LHFPL3: variants seen among roughly 807,000 people sequenced by gnomAD.
The protein encoded by LHFPL3 is LHFPL tetraspan subfamily member 3, also known as LHFPL tetraspan subfamily member 3 protein.
In LHFPL3, 5 loss-of-function variants were observed where a neutral mutation model predicts 19.3. The observed-to-expected ratio is 0.26, with a 90% confidence interval of 0.14 to 0.54. LHFPL3 has a LOEUF of 0.54. LHFPL3 is among the 20% of genes least tolerant of loss of function. The pLI, the probability that LHFPL3 is intolerant of heterozygous loss-of-function variation, is 0.94. For missense variants in LHFPL3, 249 were observed against 307.4 expected (o/e 0.81, Z 1.42); for synonymous variants, 133 against 126.2 (o/e 1.05, Z -0.36).
intron 1 of LHFPL3, among the ~76,000 whole-genome samples, chr7:104,396,587 C>T (rs1252158959): frequency 2.7e-5 from 4 of 150,342 alleles, no homozygotes; most frequent in Non-Finnish European, 5.9e-5. Context: ...TTCTCCAGCC[C>T]ATACCCTTCA....
In LHFPL3 at chr7:104,472,235, G is replaced by T. The variant is rs181747997; in HGVS notation, c.445+143011G>T. Among the ~76,000 whole-genome samples, 8 of 151,470 alleles carry T rather than the reference G, an allele frequency of 5.3e-5. No individual in the cohort carries two copies. In the East Asian group the frequency reaches 1.5e-3, roughly 29 times the overall value. Reference sequence around the variant, plus strand: ...AAATATATACTTTTTTAGTCACTATGAGCAAAACAATATATATATATCACC... The same window carrying T: ...AAATATATACTTTTTTAGTCACTATTAGCAAAACAATATATATATATCACC... On this transcript the variant is annotated intron_variant, in intron 1 of 2. Transcript: ENST00000424859.
chr7:104,638,632 C>T (rs561229715), intron 1 of LHFPL3, among the ~76,000 whole-genome samples: 13 of 152,074 alleles, frequency 8.5e-5, no homozygotes, highest in Non-Finnish European at 1.8e-4. Context: ...GCCTTTTTTG[C>T]ATCCATTGAG....
At chr7:104,893,265 G>A (rs531278466) in intron 2 of LHFPL3, among the ~76,000 whole-genome samples, 64 of 151,706 alleles carry the variant, frequency 4.2e-4, no homozygotes, top group South Asian at 3.7e-3. Context: ...TGTAATCCCA[G>A]CACTTTGGGA....
chr7:104,533,422 G>T lies in LHFPL3; in HGVS notation c.446-203253G>T, dbSNP rs115253102. Among the ~76,000 whole-genome samples the T allele has an allele frequency of 2.0e-3, 306 of 152,246 alleles. 2 individuals carry two copies. The highest frequency in any genetic ancestry group is 6.8e-3 in the African/African-American group (281 of 41,534). On this transcript the variant is annotated intron_variant, in intron 1 of 2. Transcript: ENST00000424859. ...CAGGATAATCTCACCTACTCTCAGA[G>T]TTTTAGCCACCAGCAATCTGCTAAT... is the stretch of plus-strand genomic sequence containing the variant.
Position 104,523,467 on chromosome 7 carries a change from A to G in LHFPL3, c.445+194243A>G, listed in dbSNP as rs539100323. Among the ~76,000 whole-genome samples, 4 of 152,294 alleles carry G rather than the reference A, an allele frequency of 2.6e-5. No individual in the cohort carries two copies. In the South Asian group the frequency reaches 8.3e-4, roughly 32 times the overall value. The stretch of plus-strand genomic sequence containing the variant: ...CATATGTGTTAACTCTGCCAAATAT[A>G]TGAAGTAAAATACAATTTGCTGCAT... On this transcript the variant is annotated intron_variant, in intron 1 of 2. Transcript: ENST00000424859.
chr7:104,620,584 T>C (rs962690128), intron 1 of LHFPL3, among the ~76,000 whole-genome samples: 123 of 152,224 alleles, frequency 8.1e-4, no homozygotes, highest in Non-Finnish European at 3.8e-4. Context: ...CGTTGCCTTA[T>C]CTAGCCTCCA....
intron 1 of LHFPL3, among the ~76,000 whole-genome samples, chr7:104,437,410 CTGA>C (rs1423426545): frequency 6.6e-6 from 1 of 152,168 alleles, no homozygotes; most frequent in East Asian, 1.9e-4. Context: ...TCTCGATTCT[CTGA>C]TGAACAACAA....
intron 1 of LHFPL3, among the ~76,000 whole-genome samples, chr7:104,369,303 A>C (rs532606552): frequency 6.6e-6 from 1 of 152,344 alleles, no homozygotes; most frequent in African/African-American, 2.4e-5. Flanking sequence ...TGGATATTTT[A>C]TATAAATGGA....
intron 1 of LHFPL3, among the ~76,000 whole-genome samples, chr7:104,377,627 C>T (rs1790741510): frequency 6.6e-6 from 1 of 152,154 alleles, no homozygotes; most frequent in East Asian, 1.9e-4. Flanking sequence ...AATTTACTTG[C>T]ACCTGTGAGG....
chr7:104,371,532 A>G (rs751880834), intron 1 of LHFPL3, among the ~76,000 whole-genome samples: 1 of 152,216 alleles, frequency 6.6e-6, no homozygotes, highest in Non-Finnish European at 1.5e-5. Flanking sequence ...GTTTCAGAAT[A>G]TAGCTCACTG....
intron 2 of LHFPL3, among the ~76,000 whole-genome samples, chr7:104,869,411 C>T (rs1791790088): frequency 6.6e-6 from 1 of 152,064 alleles, no homozygotes; most frequent in Non-Finnish European, 1.5e-5. Flanking sequence ...ACAAACAACC[C>T]CATCAAAAAG....
intron 1 of LHFPL3, among the ~76,000 whole-genome samples, chr7:104,444,563 G>A (rs560357907): frequency 7.2e-5 from 11 of 152,110 alleles, no homozygotes; most frequent in African/African-American, 2.4e-4. Context: ...GTTCTTTTCC[G>A]GTAATTCTTA....
chr7:104,482,539 T>C (rs192025614), intron 1 of LHFPL3, among the ~76,000 whole-genome samples: 3 of 152,368 alleles, frequency 2.0e-5, no homozygotes, highest in East Asian at 1.9e-4. Context: ...TAGACTCTTA[T>C]GTGTTTATAC....
At chr7:104,430,429 T>TATATATATACAC (rs1562895254) in intron 1 of LHFPL3, among the ~76,000 whole-genome samples, 5 of 12,262 alleles carry the variant, frequency 4.1e-4, no homozygotes, top group Non-Finnish European at 7.1e-4. Context: ...CATATATATA[T>TATATATATACAC]ATATATATAT....
rs1479732583 is a variant in LHFPL3, at chr7:104,610,428, T to C, written c.446-126247T>C. 2.6e-5 allele frequency among the ~76,000 whole-genome samples: 4 copies of C among 152,044 alleles called. No individual in the cohort carries two copies. The South Asian group carries it at 6.2e-4, about 24-fold the overall frequency. ...GAGAGAGAGAGAGAGAAGTACTTAC[T>C]CTAAAAAATTGGCTTACACAATCAT... On this transcript the variant is annotated intron_variant, in intron 1 of 2. Coordinates refer to ENST00000424859, the MANE Select transcript of LHFPL3 (RefSeq NM_199000.3).
intron 1 of LHFPL3, among the ~76,000 whole-genome samples, chr7:104,711,794 A>C (rs1384354259): frequency 1.3e-5 from 2 of 152,194 alleles, no homozygotes; most frequent in Non-Finnish European, 2.9e-5. Flanking sequence ...GAAAGGCCAG[A>C]CTTGGAAGAC....
intron 1 of LHFPL3, among the ~76,000 whole-genome samples, chr7:104,448,513 A>G (rs1387498529): frequency 2.0e-5 from 3 of 152,208 alleles, no homozygotes; most frequent in African/African-American, 4.8e-5. Context: ...ATTTTCATGA[A>G]AAATACGTGT....
intron 1 of LHFPL3, among the ~76,000 whole-genome samples, chr7:104,366,058 G>T (rs1790490479): frequency 6.6e-6 from 1 of 152,178 alleles, no homozygotes; most frequent in South Asian, 2.1e-4. Flanking sequence ...ATCTTGGAAT[G>T]ATTTCCCTTG....
intron 1 of LHFPL3, among the ~76,000 whole-genome samples, chr7:104,416,338 C>G (rs1201352345): frequency 6.6e-6 from 1 of 152,154 alleles, no homozygotes; most frequent in Non-Finnish European, 1.5e-5. Context: ...TTCCAGCCTC[C>G]AGAACATTGA....
Sources: allele counts gnomAD v4.1 joint callset (sites outside exome capture counted in the v4.1 genomes callset), GRCh38; gene constraint gnomAD v4.1.1; transcripts MANE v1.5; gene names NCBI Gene and HGNC (gene_info 2026-07-23, HGNC 2026-07-21).